TNKS: variants seen among roughly 807,000 people sequenced by gnomAD.
TNKS encodes poly [ADP-ribose] polymerase tankyrase-1.
Under a neutral mutation model 135.8 loss-of-function variants are expected in TNKS, and 72 were observed. That is an observed-to-expected ratio of 0.53 (90% CI 0.44 to 0.64). The LOEUF (loss-of-function observed/expected upper bound fraction) is 0.64. Ranked by LOEUF, TNKS falls within the 30% of genes least tolerant of loss-of-function variation. TNKS has a pLI of 0.00. For missense variants in TNKS, 1,769 were observed against 1,674.0 expected (o/e 1.06, Z -0.99); for synonymous variants, 849 against 649.3 (o/e 1.31, Z -4.68).
chr8:9,759,303 T>C (rs1291906782), intron 20 of TNKS, among the ~76,000 whole-genome samples: 1 of 152,214 alleles, frequency 6.6e-6, no homozygotes, highest in East Asian at 1.9e-4. Flanking sequence ...AGTCTCTTTA[T>C]TACCTAATGT....
At chr8:9,706,594 A>G (rs112068144) in intron 7 of TNKS, among the ~76,000 whole-genome samples, 24 of 152,288 alleles carry the variant, frequency 1.6e-4, no homozygotes, top group African/African-American at 5.1e-4. Flanking sequence ...TTAGATTTTA[A>G]GAGAATAAAA....
intron 1 of TNKS, 187 bp downstream of exon 1, chr8:9,556,799 G>GGC: frequency 5.1e-6 from 2 of 393,344 alleles, no homozygotes; most frequent in Non-Finnish European, 4.8e-6. Flanking sequence ...GGTTGGGGGG[G>GGC]ATAAGTGAAT....
Position 9,679,967 on chromosome 8 carries a change from C to T in TNKS, c.1011C>T (p.Asp337=), listed in dbSNP as rs764674010. 19 of 1,612,848 alleles carry T rather than the reference C, an allele frequency of 1.2e-5. No homozygotes were observed. The highest frequency in any genetic ancestry group is 1.4e-5 in the Non-Finnish European group (17 of 1,179,080). ...ATCATCTAGGTGAATACAAGAAAGA[C>T]GAACTCCTAGAAGCTGCTAGGTAAG... ...KAVLTGEYKK[D]ELLEAARSGN... The change falls in exon 4 of 27, where the codon GAC becomes GAT. Residue 337 remains aspartate, a synonymous_variant. Coordinates refer to ENST00000310430, the MANE Select transcript of TNKS (RefSeq NM_003747.3).
At chr8:9,760,117 A>G (rs1274920997) in intron 20 of TNKS, among the ~76,000 whole-genome samples, 1 of 152,244 alleles carries the variant, frequency 6.6e-6, no homozygotes, top group Non-Finnish European at 1.5e-5. Context: ...CATCAATAAC[A>G]TAGTTTCCAA....
At position 9,698,374 on chromosome 8, in the gene TNKS, G is replaced by GAAAAAAAAAAAA. The variant is rs34311181; in HGVS notation, c.1108-6283_1108-6272dup. ...GTATCTAAAAGTTAAATTTTAAAAT[G>GAAAAAAAAAAAA]AAAAAAAAAAAAAAAAAGCTTAAGT... On this transcript the variant is annotated intron_variant, in intron 5 of 26. Transcript: ENST00000310430. 6.6e-4 allele frequency among the ~76,000 whole-genome samples: 65 copies of GAAAAAAAAAAAA among 98,762 alleles called. 4 individuals carry two copies. Among genetic ancestry groups the GAAAAAAAAAAAA allele is most frequent in the African/African-American group, 2.1e-3 (52 of 25,178 alleles). 64.8% of individuals were successfully genotyped at this position (98,762 alleles called of 152,430 possible).
chr8:9,684,721 G>A (rs1227911844), intron 5 of TNKS, among the ~76,000 whole-genome samples: 2 of 152,038 alleles, frequency 1.3e-5, no homozygotes, highest in African/African-American at 4.8e-5. Context: ...GTTTCCCTCT[G>A]CTCCTTTCAT....
At chr8:9,723,496 G>C (rs1805008942) in intron 12 of TNKS, among the ~76,000 whole-genome samples, 1 of 152,092 alleles carries the variant, frequency 6.6e-6, no homozygotes, top group Non-Finnish European at 1.5e-5. Flanking sequence ...CATTAATAAA[G>C]TTTTCATTAT....
chr8:9,595,607 A>G (rs1223212308), intron 2 of TNKS, among the ~76,000 whole-genome samples: 1 of 152,082 alleles, frequency 6.6e-6, no homozygotes, highest in Non-Finnish European at 1.5e-5. Flanking sequence ...TTCCAGGAAA[A>G]GCACCCGTAT....
chr8:9,604,996 T>C (rs969827537), intron 2 of TNKS, among the ~76,000 whole-genome samples: 5 of 152,046 alleles, frequency 3.3e-5, no homozygotes, highest in Non-Finnish European at 7.4e-5. Flanking sequence ...AATATTAGTT[T>C]TGTATAACAT....
intron 4 of TNKS, 129 bp from the exon 5 acceptor site, chr8:9,680,596 G>C (rs780335286): frequency 5.7e-5 from 35 of 617,464 alleles, no homozygotes; most frequent in Non-Finnish European, 9.3e-5. Context: ...TTGCAAAAGA[G>C]ATTTATTGTG....
In TNKS at chr8:9,710,227, C is replaced by T. The variant is rs1224321065; in HGVS notation, c.1749+7C>T. The T allele has an allele frequency of 6.2e-7, 1 of 1,613,716 alleles. No individual in the cohort carries two copies. The highest frequency in any genetic ancestry group is 8.5e-7 in the Non-Finnish European group (1 of 1,179,612). Reference sequence around the variant, plus strand: ...GCATAAGCATGGCGCCAAGGTGAGGCACACACCTGAGCAGAGTGCCAGACT... The same window carrying T: ...GCATAAGCATGGCGCCAAGGTGAGGTACACACCTGAGCAGAGTGCCAGACT... On this transcript the variant is annotated splice_region_variant and intron_variant, in intron 11 of 26. Coordinates refer to ENST00000310430, the MANE Select transcript of TNKS (RefSeq NM_003747.3).
At chr8:9,587,578 A>G (rs1798434526) in intron 2 of TNKS, among the ~76,000 whole-genome samples, 1 of 151,690 alleles carries the variant, frequency 6.6e-6, no homozygotes, top group South Asian at 2.1e-4. Flanking sequence ...TTGTTTTTGT[A>G]TTTTTAGTAG....
chr8:9,720,303 G>C, intron 11 of TNKS, 71 bp from the exon 12 acceptor site: 1 of 1,301,286 alleles, frequency 7.7e-7, no homozygotes, highest in Non-Finnish European at 1.0e-6. Context: ...TCATAAGAAT[G>C]TATTTTCTAA....
intron 1 of TNKS, among the ~76,000 whole-genome samples, chr8:9,563,791 T>C (rs1797425372): frequency 6.6e-6 from 1 of 152,234 alleles, no homozygotes; most frequent in South Asian, 2.1e-4. Flanking sequence ...CATTTTTTTC[T>C]GTTAGGTATT....
At chr8:9,687,686 A>G (rs368982514) in intron 5 of TNKS, among the ~76,000 whole-genome samples, 2 of 152,146 alleles carry the variant, frequency 1.3e-5, no homozygotes, top group Non-Finnish European at 1.5e-5. Flanking sequence ...ATTTACCTCT[A>G]TTTAGCCACT....
At chr8:9,716,706 G>T (rs1380552634) in intron 11 of TNKS, among the ~76,000 whole-genome samples, 1 of 151,868 alleles carries the variant, frequency 6.6e-6, no homozygotes, top group African/African-American at 2.4e-5. Flanking sequence ...GTCGCTCCCT[G>T]TCTTTCTCTC....
At chr8:9,752,442 T>C in intron 19 of TNKS, 102 bp from the exon 20 acceptor site, 1 of 768,898 alleles carries the variant, frequency 1.3e-6, no homozygotes, top group Non-Finnish European at 2.2e-6. Flanking sequence ...TGGAAAATCA[T>C]CTGACAGCCA....
At position 9,678,893 on chromosome 8, in the gene TNKS, A is replaced by G. The variant is rs117910512; in HGVS notation, c.995-1058A>G. 7.9e-3 allele frequency among the ~76,000 whole-genome samples: 1,207 copies of G among 152,304 alleles called. 6 individuals carry two copies. The highest frequency in any genetic ancestry group is 0.012 in the Non-Finnish European group (822 of 68,010). On this transcript the variant is annotated intron_variant, in intron 3 of 26. Coordinates refer to ENST00000310430, the MANE Select transcript of TNKS (RefSeq NM_003747.3). ...GTAATTATTTGTTGAGATACTTTGT[A>G]TAATTATTTCTTTAGTGATGTAGCA...
chr8:9,569,536 GTA>G (rs1175769255), intron 1 of TNKS, among the ~76,000 whole-genome samples: 19 of 152,262 alleles, frequency 1.2e-4, no homozygotes, highest in East Asian at 7.7e-4. Flanking sequence ...TTCATTGTTT[GTA>G]TAATTCTATT....
Sources: gnomAD v4.1 joint callset for allele counts (sites outside exome capture counted in the v4.1 genomes callset) on GRCh38, gnomAD v4.1.1 for gene constraint, MANE v1.5 for transcripts, NCBI Gene and HGNC (gene_info 2026-07-23, HGNC 2026-07-21) for gene names.